Variants in IL24 observed in about 807,000 individuals in gnomAD.
IL24 encodes the protein interleukin 24.
In IL24, 24 loss-of-function variants were observed where a neutral mutation model predicts 27.6. That is an observed-to-expected ratio of 0.87 (90% confidence interval 0.63 to 1.22). IL24 has a LOEUF of 1.22. Ranked by LOEUF, IL24 falls within the 50% of genes most tolerant of loss-of-function variation. The pLI is 0.00. For missense variants in IL24, 240 were observed against 237.0 expected (o/e 1.01, Z -0.08); for synonymous variants, 99 against 93.1 (o/e 1.06, Z -0.36).
chr1:206,899,578 C>A lies in IL24; in HGVS notation c.240+63C>A, dbSNP rs536382216. 1.6e-5 allele frequency: 21 copies of A among 1,312,660 alleles called. 1 individual carries two copies. Among genetic ancestry groups the A allele is most frequent in the East Asian group, 1.4e-4 (6 of 41,438 alleles). 81.3% of individuals were successfully genotyped at this position (1,312,660 alleles called of 1,614,324 possible). A position where few individuals can be genotyped will look rare whatever the true frequency, so the allele number is the denominator to read the frequency against. On this transcript the variant is annotated intron_variant, in intron 3 of 6. Coordinates refer to ENST00000294984, the MANE Select transcript of IL24 (RefSeq NM_006850.3). ...TCCTGGGGGCAGTGGGCCAGTGGGG[C>A]GAGGGGATGCTATTTTATGATTCTG...
intron 3 of IL24, 79 bp from the exon 4 acceptor site, chr1:206,900,215 AG>A: frequency 3.2e-6 from 4 of 1,266,252 alleles, no homozygotes; most frequent in Non-Finnish European, 4.6e-6. Context: ...TTAGGGGTCT[AG>A]GGAAGCAGCA....
chr1:206,900,483 A>G, intron 4 of IL24, 126 bp downstream of exon 4: 1 of 815,986 alleles, frequency 1.2e-6, no homozygotes. Context: ...TACACAGGAC[A>G]GGGCCAGACT....
chr1:206,902,541 C>T, intron 6 of IL24: 1 of 981,864 alleles, frequency 1.0e-6, no homozygotes, highest in South Asian at 4.7e-5. Flanking sequence ...CCCAGCCCCC[C>T]TAAAAACATA....
intron 6 of IL24, 166 bp downstream of exon 6, chr1:206,902,238 A>C: frequency 3.0e-6 from 3 of 985,448 alleles, no homozygotes; most frequent in Non-Finnish European, 3.6e-6. Flanking sequence ...TTGCAGAAGC[A>C]TCGTAAACTA....
chr1:206,899,406 G>A lies in IL24; in HGVS notation c.131G>A (p.Ser44Asn). The change falls in exon 3 of 7, where the codon AGC becomes AAC. Residue 44 changes from serine to asparagine, a missense_variant. Ser to Asn is a conservative substitution (Grantham distance 46). Transcript: ENST00000294984. ...CTGGGTTTTACCCTGCTTCTCTGGA[G>A]CCAGGTATCAGGGGCCCAGGGCCAA... ...PCLGFTLLLW[S>N]QVSGAQGQEF... The A allele has an allele frequency of 6.2e-7, 1 of 1,614,202 alleles. No individual in the cohort carries two copies. The highest frequency in any genetic ancestry group is 8.5e-7 in the Non-Finnish European group (1 of 1,180,022).
rs943451580 is a variant in IL24, at chr1:206,903,386, G to T, written c.*327G>T. 1.6e-5 allele frequency: 4 copies of T among 253,694 alleles called. No homozygotes were observed. Among genetic ancestry groups the T allele is most frequent in the Non-Finnish European group, 3.1e-5 (4 of 128,716 alleles). 15.7% of individuals were successfully genotyped at this position (253,694 alleles called of 1,614,324 possible). A position where few individuals can be genotyped will look rare whatever the true frequency, so the allele number is the denominator to read the frequency against. On this transcript the variant is annotated 3_prime_UTR_variant, in exon 7 of 7. Transcript: ENST00000294984. ...AAGGCAGCAGAATATTGTGCCCCAT[G>T]CTTCTTTACCCCTCACAATCCTTGC...
chr1:206,899,250 C>A, intron 2 of IL24, 70 bp from the exon 3 acceptor site: 1 of 1,503,526 alleles, frequency 6.7e-7, no homozygotes, highest in South Asian at 1.2e-5. Flanking sequence ...ACCCTCGGAG[C>A]ATTTTCCCAG....
chr1:206,901,461 C>A, intron 4 of IL24, 33 bp from the exon 5 acceptor site: 2 of 1,590,220 alleles, frequency 1.3e-6, no homozygotes, highest in South Asian at 2.3e-5. Context: ...TGGGCAGAGG[C>A]CTTGGCTCAG....
chr1:206,902,330 T>C lies in IL24; in HGVS notation c.537+258T>C, dbSNP rs1678423435. On this transcript the variant is annotated intron_variant, in intron 6 of 6. Transcript: ENST00000294984. The stretch of plus-strand genomic sequence containing the variant: ...ATGATTTTACGAAAGGAACTTTCCC[T>C]GTGTTTTGTAGGTACTTGGGCTGGG... 3.0e-6 allele frequency: 3 copies of C among 985,300 alleles called. No individual in the cohort carries two copies. The South Asian group carries it at 1.4e-4, about 46-fold the overall frequency. 61.0% of individuals were successfully genotyped at this position (985,300 alleles called of 1,614,324 possible).
chr1:206,898,543 A>T lies in IL24; in HGVS notation c.44+667A>T, dbSNP rs540343221. ...AAGGGCAAAGAAGGCAGGGGGAAAG[A>T]AATTCTCTGCATCAGTTATAATAAA... On this transcript the variant is annotated intron_variant, in intron 2 of 6. Transcript: ENST00000294984. Among the ~76,000 whole-genome samples, 4 of 152,188 alleles carry T rather than the reference A, an allele frequency of 2.6e-5. No homozygotes were observed. The East Asian group carries it at 7.7e-4, about 29-fold the overall frequency.
At chr1:206,900,200 T>G (rs752775458) in intron 3 of IL24, 95 bp from the exon 4 acceptor site, 1 of 1,132,222 alleles carries the variant, frequency 8.8e-7, no homozygotes, top group African/African-American at 1.5e-5. Context: ...ACAGACTAGA[T>G]AGATTTAGGG....
At chr1:206,901,866 T>C in intron 5 of IL24, 132 bp from the exon 6 acceptor site, 1 of 959,596 alleles carries the variant, frequency 1.0e-6, no homozygotes, top group Non-Finnish European at 1.6e-6. Context: ...TTGGTTACCT[T>C]GGGGAATGCA....
chr1:206,899,045 A>G (rs376293181), intron 2 of IL24, among the ~76,000 whole-genome samples: 2 of 152,168 alleles, frequency 1.3e-5, no homozygotes, highest in African/African-American at 4.8e-5. Context: ...TGCGATGGAG[A>G]AGGAGGAGGT....
intron 6 of IL24, chr1:206,902,385 AG>A: frequency 1.0e-6 from 1 of 983,914 alleles, no homozygotes; most frequent in Non-Finnish European, 1.2e-6. Flanking sequence ...GGGAGAAAGA[AG>A]GGAGACACCC....
In IL24 at chr1:206,903,247, C is replaced by G. The variant is rs1678470937; in HGVS notation, c.*188C>G. The G allele has an allele frequency of 1.0e-5, 6 of 580,976 alleles. No homozygotes were observed. The highest frequency in any genetic ancestry group is 1.9e-5 in the Non-Finnish European group (6 of 322,646). The allele number at this position is 580,976 out of a possible 1,614,324, so 36.0% of individuals were successfully genotyped here. ...CCAGTGACAGTCAGGGAAGGTGCCT[C>G]TGGATGCTGTGAAGAGTCTACAGAG... On this transcript the variant is annotated 3_prime_UTR_variant, in exon 7 of 7. Coordinates refer to ENST00000294984, the MANE Select transcript of IL24 (RefSeq NM_006850.3).
intron 3 of IL24, among the ~76,000 whole-genome samples, 191 bp from the exon 4 acceptor site, chr1:206,900,104 C>T (rs944206152): frequency 6.6e-6 from 1 of 152,182 alleles, no homozygotes; most frequent in African/African-American, 2.4e-5. Flanking sequence ...ATTTTCGTGG[C>T]TGCAACCTTG....
Position 206,898,657 on chromosome 1 carries a change from C to T in IL24, c.45-663C>T, listed in dbSNP as rs1168905233. 2.6e-5 allele frequency among the ~76,000 whole-genome samples: 4 copies of T among 152,172 alleles called. No individual in the cohort carries two copies. The East Asian group carries it at 7.7e-4, about 29-fold the overall frequency. Reference sequence around the variant, plus strand: ...TCAGAGGAAGGCTTTAGAGATGATTCATCTGGAAATCTGATGCCTCTCTCT... The same window carrying T: ...TCAGAGGAAGGCTTTAGAGATGATTTATCTGGAAATCTGATGCCTCTCTCT... On this transcript the variant is annotated intron_variant, in intron 2 of 6. Transcript: ENST00000294984.
intron 2 of IL24, among the ~76,000 whole-genome samples, chr1:206,898,194 GAGT>G (rs1678234573): frequency 6.8e-6 from 1 of 147,934 alleles, no homozygotes; most frequent in East Asian, 2.0e-4. Flanking sequence ...AAAGCCTGTG[GAGT>G]TTGAAAGAAC....
intron 3 of IL24, among the ~76,000 whole-genome samples, chr1:206,899,728 C>G (rs768535023): frequency 1.3e-5 from 2 of 152,108 alleles, no homozygotes; most frequent in Admixed American, 6.5e-5. Context: ...TGGGCAGCCT[C>G]GAGTGAAATA....
Sources: gnomAD v4.1 joint callset for allele counts (sites outside exome capture counted in the v4.1 genomes callset) on GRCh38, gnomAD v4.1.1 for gene constraint, MANE v1.5 for transcripts, NCBI Gene and HGNC (gene_info 2026-07-23, HGNC 2026-07-21) for gene names.